Variants in MDM4 observed in about 807,000 individuals in gnomAD.
MDM4 encodes the protein protein Mdm4.
Under a neutral mutation model 60.2 loss-of-function variants are expected in MDM4, and 2 were observed. That is an observed-to-expected ratio of 0.03 (90% CI 0.01 to 0.10). The LOEUF (loss-of-function observed/expected upper bound fraction) is 0.10, where lower values mean the gene tolerates loss of function less well. MDM4 is among the 10% of genes least tolerant of loss of function. MDM4 has a pLI of 1.00. For missense variants in MDM4, 447 were observed against 577.5 expected, an observed-to-expected ratio of 0.77 and a Z score of 2.32; for synonymous variants, 202 against 198.1, an observed-to-expected ratio of 1.02 and a Z score of -0.17.
rs1663424886 is a variant in MDM4 at position 204,554,614 on chromosome 1, C to T, written c.*4932C>T. On this transcript the variant is annotated 3_prime_UTR_variant, in exon 11 of 11. Coordinates refer to ENST00000367182, the MANE Select transcript of MDM4 (RefSeq NM_002393.5). Reference sequence around the variant, plus strand: ...GGAATTTATCAGACTTGTGAGTAAACAAGTTGAAGTTTAGCAGATGAGGGG... The same window carrying T: ...GGAATTTATCAGACTTGTGAGTAAATAAGTTGAAGTTTAGCAGATGAGGGG... 1 of 227,078 alleles carries T rather than the reference C, an allele frequency of 4.4e-6. No individual in the cohort carries two copies. Among genetic ancestry groups the T allele is most frequent in the African/African-American group, 2.2e-5 (1 of 45,106 alleles). The allele number at this position is 227,078 out of a possible 1,614,324, so 14.1% of individuals were successfully genotyped here.
chr1:204,527,457 C>T (rs886265219), intron 3 of MDM4, among the ~76,000 whole-genome samples: 1 of 152,020 alleles, frequency 6.6e-6, no homozygotes, highest in African/African-American at 2.4e-5. Flanking sequence ...AGTTCGAGAC[C>T]AGCCTGACCA....
intron 3 of MDM4, among the ~76,000 whole-genome samples, chr1:204,528,368 T>TG (rs1660459690): frequency 6.6e-6 from 1 of 152,310 alleles, no homozygotes; most frequent in Admixed American, 6.5e-5. Context: ...TCCAAGCCAC[T>TG]GGTCCCAGGG....
intron 5 of MDM4, among the ~76,000 whole-genome samples, chr1:204,536,356 CGTTT>C (rs1661427251): frequency 6.6e-6 from 1 of 152,152 alleles, no homozygotes; most frequent in Admixed American, 6.5e-5. Context: ...TTGTTGTCTC[CGTTT>C]GTCCACAAAA....
At chr1:204,546,694 G>C in intron 9 of MDM4, 103 bp from the exon 10 acceptor site, 1 of 714,230 alleles carries the variant, frequency 1.4e-6, no homozygotes, top group Non-Finnish European at 2.4e-6. Flanking sequence ...GATGGGAGAA[G>C]AATGTGAGTT....
chr1:204,545,064 T>TGCGATTTTTTTTCTC (rs1381604952), intron 9 of MDM4, among the ~76,000 whole-genome samples: 1 of 152,110 alleles, frequency 6.6e-6, no homozygotes, highest in African/African-American at 2.4e-5. Context: ...TGAGTTTTCT[T>TGCGATTTTTTTTCTC]GCGATTTTTT....
Position 204,551,763 on chromosome 1 carries a change from C to T in MDM4, c.*2081C>T, listed in dbSNP as rs931010813. 4.4e-6 allele frequency: 1 copy of T among 227,190 alleles called. No homozygotes were observed. Among genetic ancestry groups the T allele is most frequent in the Non-Finnish European group, 8.7e-6 (1 of 114,442 alleles). The allele number at this position is 227,190 out of a possible 1,614,324, so 14.1% of individuals were successfully genotyped here. On this transcript the variant is annotated 3_prime_UTR_variant, in exon 11 of 11. Coordinates refer to ENST00000367182, the MANE Select transcript of MDM4 (RefSeq NM_002393.5). ...ATGAGGGTTGCTTGTTAAAAATGTC[C>T]AAACGTGCAGAGACTGATCTTTGAG...
intron 7 of MDM4, among the ~76,000 whole-genome samples, chr1:204,542,357 C>T (rs1195750083): frequency 5.3e-5 from 8 of 152,162 alleles, no homozygotes; most frequent in Admixed American, 5.2e-4. Context: ...CCATCATTTG[C>T]AATGCTGTTA....
Position 204,544,696 on chromosome 1 carries a change from A to G in MDM4, c.822+12A>G. 1 of 1,604,714 alleles carries G rather than the reference A, an allele frequency of 6.2e-7. No homozygotes were observed. The highest frequency in any genetic ancestry group is 8.5e-7 in the Non-Finnish European group (1 of 1,173,080). Reference sequence around the variant, plus strand: ...TAAGTGACAAAAAGGTATGTTGTGGAAAAATTCCATGTTGATTCTGTTTGT... The same window carrying G: ...TAAGTGACAAAAAGGTATGTTGTGGGAAAATTCCATGTTGATTCTGTTTGT... On this transcript the variant is annotated intron_variant, in intron 9 of 10. Transcript: ENST00000367182.
chr1:204,537,444 C>T lies in MDM4; in HGVS notation c.358C>T (p.Leu120Phe). The T allele has an allele frequency of 6.2e-7, 1 of 1,613,626 alleles. No homozygotes were observed. Among genetic ancestry groups the T allele is most frequent in the Non-Finnish European group, 8.5e-7 (1 of 1,179,512 alleles). Reference protein sequence around the residue: ...ATATTDAAQTLALAQDHSMDI... With the variant: ...ATATTDAAQTFALAQDHSMDI... ...TTGCTATCCAGATGCTGCTCAGACTCTCGCTCTCGCACAGGATCACAGTAT... is the reference window on the plus strand; with the variant it reads ...TTGCTATCCAGATGCTGCTCAGACTTTCGCTCTCGCACAGGATCACAGTAT... Residue 120 changes from leucine (L) to phenylalanine (F), a missense_variant, in exon 6 of 11, where the codon CTC becomes TTC. Coordinates refer to ENST00000367182, the MANE Select transcript of MDM4 (RefSeq NM_002393.5).
intron 7 of MDM4, among the ~76,000 whole-genome samples, chr1:204,540,040 G>A (rs183572516): frequency 9.9e-5 from 15 of 151,958 alleles, no homozygotes; most frequent in Admixed American, 5.2e-4. Flanking sequence ...CCAGCACTTT[G>A]GGAGGCTGAG....
chr1:204,544,613 G>C lies in MDM4; in HGVS notation c.751G>C (p.Val251Leu). The C allele has an allele frequency of 6.2e-7, 1 of 1,613,894 alleles. No homozygotes were observed. Among genetic ancestry groups the C allele is most frequent in the Non-Finnish European group, 8.5e-7 (1 of 1,179,850 alleles). ...LNESVSEQLG[V>L]GIKVEAADTE... ...TGAGTCAGTATCAGAGCAGTTAGGT[G>C]TTGGAATAAAAGTTGAAGCTGCTGA... Residue 251 changes from valine (V) to leucine (L), a missense_variant, in exon 9 of 11, where the codon GTT becomes CTT. Val to Leu is a conservative substitution (Grantham distance 32). Around this residue, in one of 8 missense-constraint regions of MDM4, gnomAD observed 184 missense variants for 179.3 expected, o/e 1.03. Transcript: ENST00000367182.
At chr1:204,538,165 C>CA (rs1553323987) in intron 6 of MDM4, 44 bp from the exon 7 acceptor site, 1 of 1,049,646 alleles carries the variant, frequency 9.5e-7, no homozygotes, top group South Asian at 1.3e-5. Context: ...CCCCTGGTCT[C>CA]AGTTATTTCT....
intron 3 of MDM4, chr1:204,529,342 C>A: frequency 1.3e-6 from 1 of 799,914 alleles, no homozygotes; most frequent in Non-Finnish European, 2.2e-6. Context: ...CAGGAGTAGG[C>A]CTCATCCATA....
rs1283972223 is a variant in MDM4 at position 204,557,552 on chromosome 1, A to C, written c.*7870A>C. 5.8e-6 allele frequency: 1 copy of C among 171,490 alleles called. No individual in the cohort carries two copies. Among genetic ancestry groups the C allele is most frequent in the Non-Finnish European group, 1.3e-5 (1 of 79,252 alleles). 10.6% of individuals were successfully genotyped at this position (171,490 alleles called of 1,614,324 possible). A position where few individuals can be genotyped will look rare whatever the true frequency, so the allele number is the denominator to read the frequency against. Reference sequence around the variant, plus strand: ...CAAGTAGCTGGGACTACAGGCGTGCACCACCACACCTGGCTAATTTTGTAT... The same window carrying C: ...CAAGTAGCTGGGACTACAGGCGTGCCCCACCACACCTGGCTAATTTTGTAT... On this transcript the variant is annotated 3_prime_UTR_variant, in exon 11 of 11. Transcript: ENST00000367182.
At chr1:204,520,082 C>G (rs1659411779) in intron 1 of MDM4, among the ~76,000 whole-genome samples, 1 of 151,998 alleles carries the variant, frequency 6.6e-6, no homozygotes, top group Non-Finnish European at 1.5e-5. Context: ...TCGAGACCAT[C>G]CTGGCTAACA....
intron 8 of MDM4, among the ~76,000 whole-genome samples, chr1:204,543,912 G>C (rs1159883721): frequency 6.6e-6 from 1 of 152,220 alleles, no homozygotes; most frequent in Non-Finnish European, 1.5e-5. Flanking sequence ...AGAACAGTAT[G>C]TGGCACATAA....
intron 5 of MDM4, among the ~76,000 whole-genome samples, chr1:204,536,032 C>T (rs942796945): frequency 1.3e-5 from 2 of 151,542 alleles, no homozygotes; most frequent in Non-Finnish European, 2.9e-5. Context: ...GAGGCCGAGG[C>T]GGGTGGATCA....
intron 3 of MDM4, chr1:204,528,993 T>C (rs907025380): frequency 2.6e-6 from 4 of 1,532,186 alleles, no homozygotes; most frequent in Non-Finnish European, 3.6e-6. Context: ...TCTGGCAGGA[T>C]TGACAGAGCG....
intron 1 of MDM4, chr1:204,525,249 C>G (rs1156731376): frequency 1.2e-6 from 1 of 808,186 alleles, no homozygotes; most frequent in Non-Finnish European, 1.5e-6. Context: ...GAAACTGTTA[C>G]TGTTTCAGCC....
Sources: allele counts gnomAD v4.1 joint callset (sites outside exome capture counted in the v4.1 genomes callset), GRCh38; gene constraint gnomAD v4.1.1; regional missense constraint gnomAD v4.1.1; transcripts MANE v1.5; gene names NCBI Gene and HGNC (gene_info 2026-07-23, HGNC 2026-07-21).